The following CDH13 variants were observed in gnomAD, a reference collection of about 807,000 sequenced individuals.
CDH13 encodes the protein cadherin-13.
A neutral mutation model predicts 63.8 loss-of-function variants in CDH13; 24 were observed. That is an observed-to-expected ratio of 0.38 (90% CI 0.27 to 0.53). The LOEUF (loss-of-function observed/expected upper bound fraction) is 0.53. Among genes scored for constraint, CDH13 ranks in the 20% least tolerant of loss-of-function variants. CDH13 has a pLI of 0.85. For missense variants in CDH13, 1,049 were observed against 903.1 expected (o/e 1.16, Z -2.07); for synonymous variants, 503 against 355.3 (o/e 1.42, Z -4.67).
At chr16:82,944,846 T>A (rs886214074) in intron 2 of CDH13, among the ~76,000 whole-genome samples, 1 of 152,222 alleles carries the variant, frequency 6.6e-6, no homozygotes, top group Non-Finnish European at 1.5e-5. Flanking sequence ...ACTTCTCCAT[T>A]CCCTACTTCA....
chr16:83,758,382 T>G (rs1446558108), intron 11 of CDH13, among the ~76,000 whole-genome samples: 1 of 152,130 alleles, frequency 6.6e-6, no homozygotes, highest in African/African-American at 2.4e-5. Context: ...AGAGTTGCAT[T>G]TGAAAAAAAT....
rs556445311 is a variant in CDH13 at position 83,019,888 on chromosome 16, C to T, written c.158-12122C>T. On this transcript the variant is annotated intron_variant, in intron 2 of 13. Transcript: ENST00000567109. The stretch of plus-strand genomic sequence containing the variant: ...ACGATAGTATATTAAATATATAAAC[C>T]AGTAGCATAGTTGTTTATTATCATT... 8.7e-5 allele frequency among the ~76,000 whole-genome samples: 13 copies of T among 149,298 alleles called. No homozygotes were observed. In the South Asian group the frequency reaches 1.7e-3, roughly 20 times the overall value.
intron 8 of CDH13, among the ~76,000 whole-genome samples, chr16:83,634,263 C>A (rs1267360348): frequency 6.6e-6 from 1 of 150,810 alleles, no homozygotes; most frequent in Non-Finnish European, 1.5e-5. Context: ...TCTTGCTACT[C>A]CTTATTAGTT....
chr16:83,478,611 A>C lies in CDH13; in HGVS notation c.782-7866A>C, dbSNP rs1851205500. Among the ~76,000 whole-genome samples the C allele has an allele frequency of 2.6e-5, 4 of 152,308 alleles. No homozygotes were observed. The South Asian group carries it at 8.3e-4, about 32-fold the overall frequency. On this transcript the variant is annotated intron_variant, in intron 6 of 13. Transcript: ENST00000567109. Reference sequence around the variant, plus strand: ...CCCAGGGAAGGGCCGCCAAAGGAGCAAGGGTTACAAAGCCAAATCTCCCAG... The same window carrying C: ...CCCAGGGAAGGGCCGCCAAAGGAGCCAGGGTTACAAAGCCAAATCTCCCAG...
At chr16:83,718,888 C>T (rs1022403855) in intron 10 of CDH13, among the ~76,000 whole-genome samples, 1 of 152,204 alleles carries the variant, frequency 6.6e-6, no homozygotes, top group Non-Finnish European at 1.5e-5. Flanking sequence ...ATAAGTACCC[C>T]AGTCATTGGG....
chr16:83,326,623 C>CT (rs1441096074), intron 5 of CDH13, among the ~76,000 whole-genome samples: 7 of 152,032 alleles, frequency 4.6e-5, no homozygotes, highest in Non-Finnish European at 1.5e-5. Flanking sequence ...TTGCTGTGCC[C>CT]TTTGCTGCAC....
rs370263799 is a variant in CDH13, at chr16:83,748,139, C to T, written c.1570C>T (p.Leu524=). The stretch of plus-strand genomic sequence containing the variant: ...TGTTTACAAGGACCCAGCAGGTTGG[C>T]TGAATATTAACCCCATCAATGGGAC... ...YSVYKDPAGW[L]NINPINGTVD... is the part of the protein sequence containing the mutation. The change falls in exon 11 of 14, where the codon CTG becomes TTG. Residue 524 remains leucine, a synonymous_variant. Transcript: ENST00000567109. The T allele has an allele frequency of 3.0e-5, 48 of 1,613,710 alleles. No individual in the cohort carries two copies. Among genetic ancestry groups the T allele is most frequent in the Non-Finnish European group, 4.0e-5 (47 of 1,179,838 alleles).
intron 1 of CDH13, among the ~76,000 whole-genome samples, chr16:82,846,628 C>G (rs749764710): frequency 6.6e-6 from 1 of 152,176 alleles, no homozygotes; most frequent in African/African-American, 2.4e-5. Flanking sequence ...CTCTGAGCTA[C>G]TTTTTAACTG....
chr16:83,344,485 T>G (rs550406761), intron 5 of CDH13, among the ~76,000 whole-genome samples: 41 of 152,362 alleles, frequency 2.7e-4, no homozygotes, highest in African/African-American at 8.9e-4. Flanking sequence ...CATAACTGCT[T>G]AGTCAATTAT....
intron 13 of CDH13, among the ~76,000 whole-genome samples, chr16:83,790,866 G>A (rs141917711): frequency 9.0e-4 from 137 of 152,298 alleles, no homozygotes; most frequent in African/African-American, 3.0e-3. Flanking sequence ...AGAACTTGTC[G>A]GGAAACCATT....
At chr16:82,720,101 T>C (rs959188154) in intron 1 of CDH13, among the ~76,000 whole-genome samples, 2 of 152,102 alleles carry the variant, frequency 1.3e-5, no homozygotes, top group African/African-American at 2.4e-5. Context: ...ATACATACAT[T>C]TAAGAAAGAT....
chr16:83,354,182 T>C (rs368170214), intron 6 of CDH13, among the ~76,000 whole-genome samples: 3 of 152,176 alleles, frequency 2.0e-5, no homozygotes, highest in African/African-American at 4.8e-5. Context: ...AGTCCTTGAG[T>C]TGTCCTAGCA....
chr16:83,237,382 C>T (rs1904275010), intron 5 of CDH13, among the ~76,000 whole-genome samples: 1 of 152,148 alleles, frequency 6.6e-6, no homozygotes, highest in Non-Finnish European at 1.5e-5. Flanking sequence ...TGTAAAGGAT[C>T]GTACCTTACA....
At chr16:82,818,611 A>C (rs551432418) in intron 1 of CDH13, among the ~76,000 whole-genome samples, 1 of 152,290 alleles carries the variant, frequency 6.6e-6, no homozygotes, top group African/African-American at 2.4e-5. Flanking sequence ...TAAAGTTATG[A>C]TAGCCAACAT....
At chr16:83,266,129 G>T (rs978028510) in intron 5 of CDH13, among the ~76,000 whole-genome samples, 1 of 151,948 alleles carries the variant, frequency 6.6e-6, no homozygotes, top group African/African-American at 2.4e-5. Flanking sequence ...TAGAGACGGG[G>T]TTTTTACCAC....
chr16:82,951,781 G>A (rs1008727731), intron 2 of CDH13, among the ~76,000 whole-genome samples: 3 of 152,170 alleles, frequency 2.0e-5, no homozygotes, highest in African/African-American at 7.2e-5. Context: ...GAATATTCAA[G>A]GACATAAATT....
At chr16:83,455,035 C>T (rs1248811142) in intron 6 of CDH13, among the ~76,000 whole-genome samples, 4 of 152,182 alleles carry the variant, frequency 2.6e-5, no homozygotes, top group Non-Finnish European at 4.4e-5. Context: ...GTGAATACTT[C>T]AGCTTATTTA....
At chr16:83,092,535 T>A (rs368169487) in intron 3 of CDH13, among the ~76,000 whole-genome samples, 20 of 152,336 alleles carry the variant, frequency 1.3e-4, no homozygotes, top group African/African-American at 4.8e-4. Context: ...TAATAAAATA[T>A]TGCAAATCAA....
chr16:82,886,539 A>G (rs979079131), intron 2 of CDH13, among the ~76,000 whole-genome samples: 6 of 147,458 alleles, frequency 4.1e-5, no homozygotes, highest in Non-Finnish European at 8.9e-5. Context: ...TCTTAAAATT[A>G]TCAACTTAGA....
Sources: allele counts gnomAD v4.1 joint callset (sites outside exome capture counted in the v4.1 genomes callset), GRCh38; gene constraint gnomAD v4.1.1; transcripts MANE v1.5; gene names NCBI Gene and HGNC (gene_info 2026-07-23, HGNC 2026-07-21).